The following SERPINB6 variants were observed in gnomAD, a reference collection of about 807,000 sequenced individuals.
SERPINB6 encodes the protein serpin family B member 6.
SERPINB6 carries 16 observed loss-of-function variants against 26.1 expected under a neutral mutation model. That is an observed-to-expected ratio of 0.61 (90% CI 0.42 to 0.93). SERPINB6 has a LOEUF of 0.93. SERPINB6 is among the 40% of genes least tolerant of loss of function. The probability of loss-of-function intolerance (pLI) is 0.00; values close to 1 mark genes in which losing one functional copy is unlikely to be tolerated. For missense variants in SERPINB6, 420 were observed against 478.0 expected, an observed-to-expected ratio of 0.88 and a Z score of 1.13; for synonymous variants, 174 against 176.6, an observed-to-expected ratio of 0.99 and a Z score of 0.11.
At chr6:2,969,095 T>A in intron 1 of SERPINB6, 1 of 1,081,874 alleles carries the variant, frequency 9.2e-7, no homozygotes, top group Non-Finnish European at 1.1e-6. Flanking sequence ...ATTGGAGAGA[T>A]CCAAATCCTA....
At position 2,954,590 on chromosome 6, in the gene SERPINB6, AC is replaced by A; in HGVS notation, c.430+1del. 1.2e-6 allele frequency: 2 copies of A among 1,604,974 alleles called. No individual in the cohort carries two copies. The highest frequency in any genetic ancestry group is 1.7e-6 in the Non-Finnish European group (2 of 1,171,734). ...AAAAGTAGAATAACAATACATTTTC[AC>A]CTTCTGTCTTTTCAGCTACCCAGGT... is the stretch of plus-strand genomic sequence containing the variant. On this transcript the variant is annotated splice_donor_variant, in intron 4 of 6. Coordinates refer to ENST00000380539, the MANE Select transcript of SERPINB6 (RefSeq NM_004568.6). LOFTEE classifies it high-confidence loss of function.
At chr6:2,966,633 G>GT (rs1166391499) in intron 1 of SERPINB6, 1 of 158,592 alleles carries the variant, frequency 6.3e-6, no homozygotes, top group African/African-American at 2.4e-5. Context: ...AGGTGGAACA[G>GT]TTTTATCTTG....
Position 2,949,085 on chromosome 6 carries a change from A to G in SERPINB6, c.574-16T>C. On this transcript the variant is annotated splice_polypyrimidine_tract_variant and intron_variant, in intron 5 of 6. Coordinates refer to ENST00000380539, the MANE Select transcript of SERPINB6 (RefSeq NM_004568.6). ...TCTCCTCATTCTACAAAGAAAACAG[A>G]TAAACATCAAGTTGAAACAAGACCC... 1 of 1,613,406 alleles carries G rather than the reference A, an allele frequency of 6.2e-7. No individual in the cohort carries two copies.
chr6:2,950,382 A>C (rs562602601), intron 5 of SERPINB6, among the ~76,000 whole-genome samples: 56 of 151,998 alleles, frequency 3.7e-4, no homozygotes, highest in African/African-American at 1.3e-3. Context: ...AAAATAGAAA[A>C]ATTAGCTGGG....
At chr6:2,971,049 G>GA in intron 1 of SERPINB6, 5 of 1,188,112 alleles carry the variant, frequency 4.2e-6, no homozygotes, top group Non-Finnish European at 5.2e-6. Context: ...CCCCAAGACT[G>GA]AGCACGCGTC....
intron 5 of SERPINB6, among the ~76,000 whole-genome samples, chr6:2,949,408 TAAAAG>T: frequency 6.6e-6 from 1 of 152,186 alleles, no homozygotes; most frequent in East Asian, 1.9e-4. Flanking sequence ...TGTTTGGACA[TAAAAG>T]AAACTCCCAG....
At chr6:2,971,194 G>T in intron 1 of SERPINB6, 8 of 988,196 alleles carry the variant, frequency 8.1e-6, no homozygotes, top group Non-Finnish European at 9.6e-6. Flanking sequence ...TGGGCGCCCG[G>T]GGTCCTCGGG....
Position 2,967,144 on chromosome 6 carries a change from T to C in SERPINB6, c.-11+4389A>G, listed in dbSNP as rs1771715114. The C allele has an allele frequency of 1.0e-6, 1 of 984,902 alleles. No homozygotes were observed. Among genetic ancestry groups the C allele is most frequent in the African/African-American group, 1.7e-5 (1 of 57,208 alleles). The allele number at this position is 984,902 out of a possible 1,614,324, so 61.0% of individuals were successfully genotyped here. ...GGCTACTCACCCCAAAGGTGACCAG[T>C]GCAGAGCTCCAGCCACCCAGACTCC... On this transcript the variant is annotated intron_variant, in intron 1 of 6. Transcript: ENST00000380539. The surrounding 1 kb of genome is among the most constrained non-coding windows in gnomAD (Gnocchi z 4.3).
At chr6:2,955,424 G>A in intron 3 of SERPINB6, 100 bp downstream of exon 3, 1 of 1,344,758 alleles carries the variant, frequency 7.4e-7, no homozygotes, top group Non-Finnish European at 1.1e-6. Flanking sequence ...GCCTATGTAT[G>A]GCATAATGGC....
rs560528526 is a variant in SERPINB6 at position 2,970,164 on chromosome 6, C to T, written c.-11+1369G>A. ...TGTGGTCTTCCCTGGGACCGTACAA[C>T]ATCTGCTTGGGTGCCCTTATTATTA... On this transcript the variant is annotated intron_variant, in intron 1 of 6. Transcript: ENST00000380539. The T allele has an allele frequency of 7.1e-6, 7 of 985,010 alleles. No individual in the cohort carries two copies. In the African/African-American group the frequency reaches 1.0e-4, roughly 15 times the overall value. 61.0% of individuals were successfully genotyped at this position (985,010 alleles called of 1,614,324 possible).
At chr6:2,951,083 ATAAG>A (rs1351262045) in intron 5 of SERPINB6, among the ~76,000 whole-genome samples, 1 of 152,224 alleles carries the variant, frequency 6.6e-6, no homozygotes, top group Admixed American at 6.5e-5. Flanking sequence ...ACAGGATGAA[ATAAG>A]TAAGTAAATA....
At chr6:2,968,574 T>C in intron 1 of SERPINB6, 1 of 1,205,938 alleles carries the variant, frequency 8.3e-7, no homozygotes, top group Non-Finnish European at 1.0e-6. Context: ...ATACTAATTC[T>C]TTGGATACCA....
chr6:2,970,724 C>CAAAAAA (rs70995402), intron 1 of SERPINB6: 13 of 1,071,536 alleles, frequency 1.2e-5, no homozygotes, highest in East Asian at 7.6e-5. Flanking sequence ...ATCTTTAGGA[C>CAAAAAA]AAAAAAAAAA....
Position 2,956,141 on chromosome 6 carries a change from T to A in SERPINB6, c.166-471A>T, listed in dbSNP as rs141877850. 181 of 174,080 alleles carry A rather than the reference T, an allele frequency of 1.0e-3. 2 individuals are homozygous for A. Among genetic ancestry groups the A allele is most frequent in the East Asian group, 9.4e-3 (63 of 6,726 alleles). 10.8% of individuals were successfully genotyped at this position (174,080 alleles called of 1,614,324 possible). A position where few individuals can be genotyped will look rare whatever the true frequency, so the allele number is the denominator to read the frequency against. On this transcript the variant is annotated intron_variant, in intron 2 of 6. Transcript: ENST00000380539. ...CTTGAAAGCCCCTCCCTGTACCCTG[T>A]CTGTGCTGGCATGAGCTGCAACGCC...
At chr6:2,962,011 C>A in intron 1 of SERPINB6, 8 of 985,358 alleles carry the variant, frequency 8.1e-6, no homozygotes, top group Non-Finnish European at 9.6e-6. Context: ...CAGCCATGCA[C>A]CACGCCCAGC....
At position 2,952,153 on chromosome 6, in the gene SERPINB6, TA is replaced by T. The variant is rs1236161373; in HGVS notation, c.573+890del. Among the ~76,000 whole-genome samples the T allele has an allele frequency of 2.0e-5, 3 of 152,246 alleles. No homozygotes were observed. The East Asian group carries it at 5.8e-4, about 29-fold the overall frequency. On this transcript the variant is annotated intron_variant, in intron 5 of 6. Coordinates refer to ENST00000380539, the MANE Select transcript of SERPINB6 (RefSeq NM_004568.6). Reference sequence around the variant, plus strand: ...GTACATCTTGTTAATCATTAAATTTTAAAGAGAGAAATTATTTTGCCAGGGG... The same window carrying T: ...GTACATCTTGTTAATCATTAAATTTTAAGAGAGAAATTATTTTGCCAGGGG...
chr6:2,967,296 A>T lies in SERPINB6; in HGVS notation c.-11+4237T>A. On this transcript the variant is annotated intron_variant, in intron 1 of 6. Coordinates refer to ENST00000380539, the MANE Select transcript of SERPINB6 (RefSeq NM_004568.6). The surrounding 1 kb of genome is among the most constrained non-coding windows in gnomAD (Gnocchi z 4.3). ...CACCATGTACAAAAATCAACTCAAGATGGATTAAAGGCTTAGATGTAAAAG... is the reference window on the plus strand; with the variant it reads ...CACCATGTACAAAAATCAACTCAAGTTGGATTAAAGGCTTAGATGTAAAAG... 1.1e-6 allele frequency: 1 copy of T among 900,378 alleles called. No individual in the cohort carries two copies. Among genetic ancestry groups the T allele is most frequent in the South Asian group, 5.1e-5 (1 of 19,516 alleles). The allele number at this position is 900,378 out of a possible 1,614,324, so 55.8% of individuals were successfully genotyped here. A position where few individuals can be genotyped will look rare whatever the true frequency, so the allele number is the denominator to read the frequency against.
chr6:2,958,112 G>A (rs1284488711), intron 2 of SERPINB6: 1 of 152,222 alleles, frequency 6.6e-6, no homozygotes, highest in African/African-American at 2.4e-5. Flanking sequence ...GGGTGATTAA[G>A]GTAACATAAG....
chr6:2,970,987 G>A, intron 1 of SERPINB6: 2 of 1,165,606 alleles, frequency 1.7e-6, no homozygotes, highest in Non-Finnish European at 1.0e-6. Flanking sequence ...ACCGTTTGGC[G>A]CCGAACCCCT....
Sources: allele counts gnomAD v4.1 joint callset (sites outside exome capture counted in the v4.1 genomes callset), GRCh38; gene constraint gnomAD v4.1.1; non-coding constraint Gnocchi (gnomAD v3.1); transcripts MANE v1.5; gene names NCBI Gene and HGNC (gene_info 2026-07-23, HGNC 2026-07-21).